Variants in MYCBP2 observed in about 807,000 individuals in gnomAD.
MYCBP2 encodes the protein MYC binding protein 2.
A neutral mutation model predicts 525.3 loss-of-function variants in MYCBP2; 120 were observed. The ratio of observed to expected loss-of-function variants is 0.23; its 90% CI spans 0.20 to 0.27. The LOEUF is 0.27. Ranked by LOEUF, MYCBP2 falls within the 10% of genes least tolerant of loss-of-function variation. The pLI is 1.00. For synonymous variants in MYCBP2, 1,894 were observed against 1,955.8 expected (o/e 0.97, Z 0.83); for missense variants, 4,149 against 5,657.1 (o/e 0.73, Z 8.55).
chr13:77,246,655 A>G (rs1369449828), intron 15 of MYCBP2, among the ~76,000 whole-genome samples: 2 of 143,586 alleles, frequency 1.4e-5, no homozygotes, highest in Admixed American at 1.4e-4. Flanking sequence ...GGGAGGAGGG[A>G]GAGGGGCAGG....
At chr13:77,207,876 T>C (rs2063530603) in intron 23 of MYCBP2, among the ~76,000 whole-genome samples, 1 of 152,194 alleles carries the variant, frequency 6.6e-6, no homozygotes. Flanking sequence ...TATCCATGGA[T>C]TCAAATCTCT....
Position 77,303,131 on chromosome 13 carries a change from G to A in MYCBP2, c.303-6457C>T, listed in dbSNP as rs140369025. Among the ~76,000 whole-genome samples, 19 of 152,280 alleles carry A rather than the reference G, an allele frequency of 1.2e-4. 1 individual carries two copies. In the East Asian group the frequency reaches 3.1e-3, roughly 25 times the overall value. Reference sequence around the variant, plus strand: ...AGGTGGATCATGAGGTCAGGTGTTCGAGACCAGCCTCACCAACATGGTGAA... The same window carrying A: ...AGGTGGATCATGAGGTCAGGTGTTCAAGACCAGCCTCACCAACATGGTGAA... On this transcript the variant is annotated intron_variant, in intron 1 of 82. Transcript: ENST00000544440.
At chr13:77,325,814 T>C (rs573880344) in intron 1 of MYCBP2, among the ~76,000 whole-genome samples, 3 of 152,296 alleles carry the variant, frequency 2.0e-5, no homozygotes, top group African/African-American at 4.8e-5. Context: ...GTTATCAAAG[T>C]ACAGCTCTAA....
chr13:77,299,577 T>C lies in MYCBP2; in HGVS notation c.303-2903A>G, dbSNP rs77201999. ...TTAAAAATGCCATTTGCTAGTAATA[T>C]AACACACCATTATATCTCTATATTT... On this transcript the variant is annotated intron_variant, in intron 1 of 82. Coordinates refer to ENST00000544440, the MANE Select transcript of MYCBP2 (RefSeq NM_015057.5). Among the ~76,000 whole-genome samples the C allele has an allele frequency of 8.0e-3, 1,223 of 152,298 alleles. 27 individuals are homozygous for C. The highest frequency in any genetic ancestry group is 0.046 in the East Asian group (239 of 5,188).
intron 52 of MYCBP2, among the ~76,000 whole-genome samples, chr13:77,134,157 A>T (rs1350966860): frequency 1.3e-5 from 2 of 152,326 alleles, no homozygotes; most frequent in East Asian, 3.9e-4. Flanking sequence ...TTAGAAAAAA[A>T]TGGAAGTGAA....
At chr13:77,195,553 C>T (rs1324973874) in intron 26 of MYCBP2, among the ~76,000 whole-genome samples, 2 of 152,066 alleles carry the variant, frequency 1.3e-5, no homozygotes, top group South Asian at 4.1e-4. Flanking sequence ...GCCAAGATGG[C>T]ATCACTGCAC....
At chr13:77,121,913 C>A (rs970023730) in intron 54 of MYCBP2, among the ~76,000 whole-genome samples, 1 of 151,728 alleles carries the variant, frequency 6.6e-6, no homozygotes, top group Non-Finnish European at 1.5e-5. Flanking sequence ...GAGAAAAAAA[C>A]TAAGTATCTA....
intron 82 of MYCBP2, among the ~76,000 whole-genome samples, chr13:77,049,872 G>C (rs1425592852): frequency 3.3e-5 from 5 of 152,176 alleles, no homozygotes; most frequent in Non-Finnish European, 5.9e-5. Context: ...CTGACCTCAA[G>C]TGATCCACCT....
At chr13:77,143,326 C>A (rs1176543044) in intron 49 of MYCBP2, among the ~76,000 whole-genome samples, 1 of 152,280 alleles carries the variant, frequency 6.6e-6, no homozygotes, top group South Asian at 2.1e-4. Context: ...GCTGTCCAAT[C>A]AGCTGGGGAC....
intron 4 of MYCBP2, among the ~76,000 whole-genome samples, chr13:77,277,825 T>C (rs1594588819): frequency 2.0e-5 from 3 of 152,344 alleles, no homozygotes; most frequent in Admixed American, 2.0e-4. Flanking sequence ...AGAATTTTCC[T>C]ATAATAATAG....
At chr13:77,174,557 C>A in intron 36 of MYCBP2, 68 bp from the exon 37 acceptor site, 1 of 1,250,940 alleles carries the variant, frequency 8.0e-7, no homozygotes, top group Non-Finnish European at 1.1e-6. Flanking sequence ...AGAACTCTAG[C>A]AGTAAAATAG....
intron 24 of MYCBP2, 114 bp from the exon 25 acceptor site, chr13:77,205,712 C>T: frequency 2.3e-6 from 2 of 865,890 alleles, no homozygotes; most frequent in Non-Finnish European, 3.4e-6. Flanking sequence ...GAATGTTACT[C>T]CAAGCTTTAA....
chr13:77,305,155 C>T (rs1485124440), intron 1 of MYCBP2, among the ~76,000 whole-genome samples: 1 of 151,914 alleles, frequency 6.6e-6, no homozygotes, highest in Non-Finnish European at 1.5e-5. Flanking sequence ...GAAACATTTC[C>T]CAACTCATAA....
intron 62 of MYCBP2, among the ~76,000 whole-genome samples, chr13:77,084,859 A>G (rs2043951785): frequency 6.6e-6 from 1 of 151,928 alleles, no homozygotes. Flanking sequence ...GCTCTGTACC[A>G]CTAGTGCCCT....
rs770193100 is a variant in MYCBP2, at chr13:77,211,292, A to C, written c.3291T>G (p.Pro1097=). 4.7e-6 allele frequency: 7 copies of C among 1,494,942 alleles called. No individual in the cohort carries two copies. In the Admixed American group the frequency reaches 1.4e-4, roughly 29 times the overall value. The allele number at this position is 1,494,942 out of a possible 1,614,324, so 92.6% of individuals were successfully genotyped here. A position where few individuals can be genotyped will look rare whatever the true frequency, so the allele number is the denominator to read the frequency against. Residue 1097 remains proline, a synonymous_variant, in exon 23 of 83, where the codon CCT becomes CCG. Transcript: ENST00000544440. ...TTATCAGAAGGCATTTAAATGGAGG[A>C]GGTTCTGATATAGAAGCAGGTACCA... ...IGLVPASISE[P]PPFKCLLINK... is the part of the protein sequence containing the mutation.
rs2061046499 is a variant in MYCBP2, at chr13:77,189,132, G to A, written c.4155-85C>T. ...TAAAGTATATTATACATTTTTGAAT[G>A]GGAAAATAAATTATATATTTAAATT... On this transcript the variant is annotated intron_variant, in intron 29 of 82. Coordinates refer to ENST00000544440, the MANE Select transcript of MYCBP2 (RefSeq NM_015057.5). 13 of 880,122 alleles carry A rather than the reference G, an allele frequency of 1.5e-5. No individual in the cohort carries two copies. The South Asian group carries it at 3.2e-4, about 21-fold the overall frequency. 54.5% of individuals were successfully genotyped at this position (880,122 alleles called of 1,614,324 possible). A position where few individuals can be genotyped will look rare whatever the true frequency, so the allele number is the denominator to read the frequency against.
At chr13:77,110,382 G>C (rs1030879725) in intron 55 of MYCBP2, among the ~76,000 whole-genome samples, 1 of 149,620 alleles carries the variant, frequency 6.7e-6, no homozygotes, top group Non-Finnish European at 1.5e-5. Context: ...ACCCCACCCT[G>C]GTGAAATTGA....
chr13:77,160,270 A>T (rs930710467), intron 44 of MYCBP2, among the ~76,000 whole-genome samples: 1 of 152,120 alleles, frequency 6.6e-6, no homozygotes, highest in Non-Finnish European at 1.5e-5. Context: ...ACTGCCAGCG[A>T]ACAAATCCCA....
In MYCBP2 at chr13:77,118,398, T is replaced by C. The variant is rs1323958654; in HGVS notation, c.8140+2975A>G. The C allele has an allele frequency of 2.1e-5, 16 of 764,208 alleles. No homozygotes were observed. The East Asian group carries it at 3.9e-4, about 19-fold the overall frequency. The allele number at this position is 764,208 out of a possible 1,614,324, so 47.3% of individuals were successfully genotyped here. A position where few individuals can be genotyped will look rare whatever the true frequency, so the allele number is the denominator to read the frequency against. Reference sequence around the variant, plus strand: ...GTCCGAACACAAATGGGCTGTGTACTAGGGAAGAGGGAGGTTTTGCAGCTT... The same window carrying C: ...GTCCGAACACAAATGGGCTGTGTACCAGGGAAGAGGGAGGTTTTGCAGCTT... On this transcript the variant is annotated intron_variant, in intron 55 of 82. Transcript: ENST00000544440.
Sources: allele counts gnomAD v4.1 joint callset (sites outside exome capture counted in the v4.1 genomes callset), GRCh38; gene constraint gnomAD v4.1.1; transcripts MANE v1.5; gene names NCBI Gene and HGNC (gene_info 2026-07-23, HGNC 2026-07-21).